The following TENM3 variants were observed in gnomAD, a reference collection of about 807,000 sequenced individuals.
TENM3 encodes teneurin-3.
In TENM3, 63 loss-of-function variants were observed where a neutral mutation model predicts 255.1. The observed-to-expected ratio is 0.25, with a 90% confidence interval of 0.20 to 0.30. The LOEUF (loss-of-function observed/expected upper bound fraction) is 0.30, where lower values mean the gene tolerates loss of function less well. Ranked by LOEUF, TENM3 falls within the 10% of genes least tolerant of loss-of-function variation. The probability of loss-of-function intolerance (pLI) is 1.00; values close to 1 mark genes in which losing one functional copy is unlikely to be tolerated. For synonymous variants in TENM3, 1,306 were observed against 1,322.3 expected (o/e 0.99, Z 0.27); for missense variants, 2,929 against 3,461.1 (o/e 0.85, Z 3.86).
At chr4:181,791,486 A>G in the TENM3 span, among the ~76,000 whole-genome samples, 2 of 152,232 alleles carry the variant, frequency 1.3e-5, no homozygotes, top group South Asian at 2.1e-4. Context: ...AGTGTGAAGA[A>G]TTTTATTTAT....
At chr4:181,972,247 C>G in the TENM3 span, among the ~76,000 whole-genome samples, 1 of 151,552 alleles carries the variant, frequency 6.6e-6, no homozygotes, top group African/African-American at 2.4e-5. Flanking sequence ...CAAGATAAAG[C>G]CCCGTCTCTA....
chr4:182,326,593 G>A (rs1191182671), intron 2 of TENM3, among the ~76,000 whole-genome samples: 1 of 152,014 alleles, frequency 6.6e-6, no homozygotes, highest in Admixed American at 6.6e-5. Context: ...TGACTGCAGC[G>A]GGGCAGTCAT....
the TENM3 span, among the ~76,000 whole-genome samples, chr4:181,678,372 A>G: frequency 6.6e-6 from 1 of 152,074 alleles, no homozygotes; most frequent in African/African-American, 2.4e-5. Flanking sequence ...AGGGCTTATG[A>G]CAGAGAAAAT....
the TENM3 span, among the ~76,000 whole-genome samples, chr4:181,849,777 C>G: frequency 6.6e-6 from 1 of 152,042 alleles, no homozygotes; most frequent in Non-Finnish European, 1.5e-5. Context: ...GATCTGCTGA[C>G]AGACACAAGG....
intron 3 of TENM3, among the ~76,000 whole-genome samples, chr4:182,466,296 C>CT (rs1220305809): frequency 2.6e-5 from 4 of 152,174 alleles, no homozygotes; most frequent in African/African-American, 9.6e-5. Flanking sequence ...CATGCTTCCT[C>CT]TGAATACTCT....
chr4:182,117,305 A>G, the TENM3 span, among the ~76,000 whole-genome samples: 1 of 152,222 alleles, frequency 6.6e-6, no homozygotes, highest in East Asian at 1.9e-4. Context: ...CAGCTTATCA[A>G]TTCTTTCTTG....
chr4:182,510,828 G>A (rs1204319537), intron 3 of TENM3, among the ~76,000 whole-genome samples: 1 of 152,082 alleles, frequency 6.6e-6, no homozygotes, highest in African/African-American at 2.4e-5. Context: ...CTTATTAGGA[G>A]AGGCAGTCTT....
intron 1 of TENM3, among the ~76,000 whole-genome samples, chr4:182,308,641 A>G (rs1172804766): frequency 6.6e-6 from 1 of 152,114 alleles, no homozygotes; most frequent in Non-Finnish European, 1.5e-5. Flanking sequence ...TGCCCAACCT[A>G]TGCATGTATT....
At chr4:182,136,425 G>A in the TENM3 span, among the ~76,000 whole-genome samples, 2,360 of 152,164 alleles carry the variant, frequency 0.016, 53 homozygotes, top group African/African-American at 0.054. Flanking sequence ...TGTTGTCTGG[G>A]TGATGGAAGG....
At chr4:182,727,644 A>G (rs1191921483) in intron 13 of TENM3, among the ~76,000 whole-genome samples, 1 of 152,110 alleles carries the variant, frequency 6.6e-6, no homozygotes, top group Non-Finnish European at 1.5e-5. Flanking sequence ...AAGCACTGGC[A>G]AATTCTTCTC....
At chr4:181,695,606 C>T in the TENM3 span, among the ~76,000 whole-genome samples, 1 of 152,170 alleles carries the variant, frequency 6.6e-6, no homozygotes, top group African/African-American at 2.4e-5. Context: ...ACTTCCCAAA[C>T]TAATGCTGAA....
At chr4:182,125,108 ACGC>A in the TENM3 span, among the ~76,000 whole-genome samples, 1 of 132,384 alleles carries the variant, frequency 7.6e-6, no homozygotes, top group African/African-American at 2.8e-5. Flanking sequence ...CAGCGCATCC[ACGC>A]TGTGTGTGCT....
At chr4:181,580,053 A>G in the TENM3 span, among the ~76,000 whole-genome samples, 1 of 151,206 alleles carries the variant, frequency 6.6e-6, no homozygotes, top group Non-Finnish European at 1.5e-5. Context: ...GCTGGAGTGC[A>G]GTGGCGCGAT....
At chr4:181,849,949 T>TCTCTCTCTCTCTCTCTCTCA in the TENM3 span, among the ~76,000 whole-genome samples, 163 of 65,940 alleles carry the variant, frequency 2.5e-3, no homozygotes, top group African/African-American at 6.2e-3. Context: ...TCTCTCTCTC[T>TCTCTCTCTCTCTCTCTCTCA]CACACACACA....
chr4:182,591,551 A>G (rs1746650978), intron 3 of TENM3, among the ~76,000 whole-genome samples: 1 of 152,256 alleles, frequency 6.6e-6, no homozygotes, highest in Non-Finnish European at 1.5e-5. Context: ...AACAATGTTC[A>G]AAACACATTT....
intron 3 of TENM3, among the ~76,000 whole-genome samples, chr4:182,500,593 G>C (rs1424194368): frequency 6.6e-6 from 1 of 150,912 alleles, no homozygotes; most frequent in Non-Finnish European, 1.5e-5. Context: ...TATATCATCT[G>C]ACTTAGGAAT....
chr4:182,267,910 TTTTAAG>T, intron 1 of TENM3, among the ~76,000 whole-genome samples: 1 of 152,272 alleles, frequency 6.6e-6, no homozygotes, highest in East Asian at 1.9e-4. Flanking sequence ...CATCAGTTGT[TTTTAAG>T]TTTATTTCTG....
intron 3 of TENM3, among the ~76,000 whole-genome samples, chr4:182,402,318 T>C (rs535785679): frequency 2.6e-5 from 4 of 152,202 alleles, no homozygotes; most frequent in Non-Finnish European, 4.4e-5. Flanking sequence ...CAAAATATTA[T>C]GTTTGGGAAA....
chr4:182,528,693 T>C (rs1739475346), intron 3 of TENM3, among the ~76,000 whole-genome samples: 1 of 152,260 alleles, frequency 6.6e-6, no homozygotes, highest in South Asian at 2.1e-4. Context: ...ATTTGGATCA[T>C]TTAAACTGCA....
Sources: gnomAD v4.1 joint callset for allele counts (sites outside exome capture counted in the v4.1 genomes callset) on GRCh38, gnomAD v4.1.1 for gene constraint, MANE v1.5 for transcripts, NCBI Gene and HGNC (gene_info 2026-07-23, HGNC 2026-07-21) for gene names.